RASL12: variants seen among roughly 807,000 people sequenced by gnomAD.
RASL12 encodes ras-like protein family member 12.
RASL12 carries 16 observed loss-of-function variants against 22.9 expected under a neutral mutation model. The ratio of observed to expected loss-of-function variants is 0.70; its 90% CI spans 0.47 to 1.06. The LOEUF is 1.06. RASL12 is among the 50% of genes least tolerant of loss of function. The pLI, the probability that RASL12 is intolerant of heterozygous loss-of-function variation, is 0.00. For missense variants in RASL12, 306 were observed against 353.1 expected (o/e 0.87, Z 1.07); for synonymous variants, 159 against 152.2 (o/e 1.04, Z -0.33).
At chr15:65,070,302 A>G (rs1461179237), upstream of RASL12, among the ~76,000 whole-genome samples, 1 of 152,242 alleles carries the variant, frequency 6.6e-6, no homozygotes, top group East Asian at 1.9e-4. Context: ...ATCAATAAGT[A>G]TATTAGATAA....
chr15:65,051,593 T>C, downstream of RASL12: 1 of 1,613,218 alleles, frequency 6.2e-7, no homozygotes, highest in East Asian at 2.2e-5. Flanking sequence ...GGAAGAAGCA[T>C]CCAGGCAAGC....
At position 65,054,563 on chromosome 15, in the gene RASL12, T is replaced by C. The variant is rs1483354798; in HGVS notation, c.*336A>G. The C allele has an allele frequency of 1.8e-6, 2 of 1,094,850 alleles. No individual in the cohort carries two copies. Among genetic ancestry groups the C allele is most frequent in the African/African-American group, 3.2e-5 (2 of 61,966 alleles). The allele number at this position is 1,094,850 out of a possible 1,614,324, so 67.8% of individuals were successfully genotyped here. A position where few individuals can be genotyped will look rare whatever the true frequency, so the allele number is the denominator to read the frequency against. On this transcript the variant is annotated 3_prime_UTR_variant, in exon 5 of 5. Coordinates refer to ENST00000220062, the MANE Select transcript of RASL12 (RefSeq NM_016563.4). Reference sequence around the variant, plus strand: ...CCACTAAGGCCACAGCTGGCCCAACTGTAGCTGGAGCAGGAAGGGCTGATG... The same window carrying C: ...CCACTAAGGCCACAGCTGGCCCAACCGTAGCTGGAGCAGGAAGGGCTGATG...
intron 1 of RASL12, among the ~76,000 whole-genome samples, chr15:65,074,399 AT>A (rs35069687): frequency 0.011 from 1,581 of 148,886 alleles, 10 homozygotes; most frequent in Middle Eastern, 0.017. Flanking sequence ...TTTTTAATTA[AT>A]TTTTTTTTTT....
At position 65,054,983 on chromosome 15, in the gene RASL12, C is replaced by A; in HGVS notation, c.717G>T (p.Lys239Asn). Residue 239 changes from lysine to asparagine, a missense_variant, in exon 5 of 5, where the codon AAG becomes AAT. Transcript: ENST00000220062. ...LKEMPTVAQA[K>N]LVTVKSSRAQ... ...CCCGGGATGACTTCACGGTGACCAGCTTGGCCTGGGCCACAGTGGGCATCT... is the reference window on the plus strand; with the variant it reads ...CCCGGGATGACTTCACGGTGACCAGATTGGCCTGGGCCACAGTGGGCATCT... 1 of 1,614,164 alleles carries A rather than the reference C, an allele frequency of 6.2e-7. No individual in the cohort carries two copies. The highest frequency in any genetic ancestry group is 8.5e-7 in the Non-Finnish European group (1 of 1,180,004).
chr15:65,060,653 C>T (rs1444461550), intron 2 of RASL12, among the ~76,000 whole-genome samples: 1 of 152,240 alleles, frequency 6.6e-6, no homozygotes. Context: ...ACTTGGTTAT[C>T]ACCTTTCCCT....
intron 2 of RASL12, among the ~76,000 whole-genome samples, chr15:65,063,976 T>C (rs550741189): frequency 6.6e-6 from 1 of 152,318 alleles, no homozygotes; most frequent in African/African-American, 2.4e-5. Flanking sequence ...CCATGAATGC[T>C]TTAATTGATT....
At chr15:65,075,827 G>T (rs2086964015) in intron 1 of RASL12, among the ~76,000 whole-genome samples, 1 of 151,734 alleles carries the variant, frequency 6.6e-6, no homozygotes, top group Admixed American at 6.6e-5. Context: ...TGGGGCCTTG[G>T]AAAACCTTTA....
downstream of RASL12, among the ~76,000 whole-genome samples, chr15:65,048,426 G>C (rs1207677292): frequency 9.9e-5 from 15 of 152,106 alleles, no homozygotes; most frequent in Non-Finnish European, 2.9e-5. Flanking sequence ...TTTTCTGTCT[G>C]GCTGTTTGCC....
At chr15:65,051,839 A>T (rs1453767604), downstream of RASL12, among the ~76,000 whole-genome samples, 1 of 152,216 alleles carries the variant, frequency 6.6e-6, no homozygotes, top group Non-Finnish European at 1.5e-5. Flanking sequence ...GACAGGAAGC[A>T]GGCATGACCT....
chr15:65,051,421 T>C, downstream of RASL12: 2 of 1,188,364 alleles, frequency 1.7e-6, no homozygotes, highest in Non-Finnish European at 2.5e-6. Flanking sequence ...CAGTTGATGC[T>C]GTAAGCTGGG....
downstream of RASL12, chr15:65,050,004 C>T: frequency 6.4e-7 from 1 of 1,550,450 alleles, no homozygotes; most frequent in Non-Finnish European, 8.7e-7. Flanking sequence ...GGAGCAGGGG[C>T]ATGGAGCACA....
chr15:65,067,251 T>G (rs938132819), intron 1 of RASL12, among the ~76,000 whole-genome samples: 6 of 149,618 alleles, frequency 4.0e-5, no homozygotes, highest in Admixed American at 1.3e-4. Flanking sequence ...AATCAGGGAG[T>G]AGCAAGGCTG....
Position 65,054,914 on chromosome 15 carries a change from G to T in RASL12, c.786C>A (p.Gly262=). The stretch of plus-strand genomic sequence containing the variant: ...GGAGGGGGCCTCAGAAGATCTTGAA[G>T]CCCTTCAGGAGAGTCAGGGTAGGCG... ...RKAPTLTLLK[G]FKIF is the part of the protein sequence containing the mutation. Residue 262 remains glycine, a synonymous_variant, in exon 5 of 5, where the codon GGC becomes GGA. Coordinates refer to ENST00000220062, the MANE Select transcript of RASL12 (RefSeq NM_016563.4). The T allele has an allele frequency of 6.2e-7, 1 of 1,611,344 alleles. No individual in the cohort carries two copies.
At chr15:65,050,836 C>CCTTTTT (rs2086642864), downstream of RASL12, among the ~76,000 whole-genome samples, 1 of 95,648 alleles carries the variant, frequency 1.0e-5, no homozygotes, top group Non-Finnish European at 1.9e-5. Flanking sequence ...TCTTCTTCTT[C>CCTTTTT]TTTTTTTTTT....
At chr15:65,071,349 G>A (rs771601880), upstream of RASL12, among the ~76,000 whole-genome samples, 25 of 152,174 alleles carry the variant, frequency 1.6e-4, no homozygotes, top group East Asian at 2.9e-3. Context: ...GGTCGAGCAG[G>A]GCCTGGGAAC....
At chr15:65,049,204 G>T (rs12906276), downstream of RASL12, 56,097 of 151,296 alleles carry the variant, frequency 0.37, 11,450 homozygotes, top group East Asian at 0.78. Context: ...GATTGACTGA[G>T]GTTCAGTTTA....
intron 2 of RASL12, among the ~76,000 whole-genome samples, chr15:65,061,783 C>T (rs939840119): frequency 9.2e-5 from 14 of 152,218 alleles, no homozygotes; most frequent in African/African-American, 2.2e-4. Flanking sequence ...GGCGTGGTGG[C>T]TCACACCTGT....
upstream of RASL12, among the ~76,000 whole-genome samples, chr15:65,071,482 C>T (rs566211067): frequency 3.3e-3 from 497 of 152,184 alleles, 3 homozygotes; most frequent in Non-Finnish European, 4.3e-3. Flanking sequence ...GCCTTGGGGG[C>T]GGGACCAAAG....
At position 65,054,743 on chromosome 15, in the gene RASL12, T is replaced by G. The variant is rs1566952389; in HGVS notation, c.*156A>C. The stretch of plus-strand genomic sequence containing the variant: ...CAGAAGCAGCATCCCTGCCTGCCAC[T>G]CCAGCTCACACAGTGAATTGAGTGT... On this transcript the variant is annotated 3_prime_UTR_variant, in exon 5 of 5. Coordinates refer to ENST00000220062, the MANE Select transcript of RASL12 (RefSeq NM_016563.4). 3 of 1,450,186 alleles carry G rather than the reference T, an allele frequency of 2.1e-6. No individual in the cohort carries two copies. In the East Asian group the frequency reaches 7.3e-5, roughly 35 times the overall value. 89.8% of individuals were successfully genotyped at this position (1,450,186 alleles called of 1,614,324 possible).
Sources: gnomAD v4.1 joint callset for allele counts (sites outside exome capture counted in the v4.1 genomes callset) on GRCh38, gnomAD v4.1.1 for gene constraint, MANE v1.5 for transcripts, NCBI Gene and HGNC (gene_info 2026-07-23, HGNC 2026-07-21) for gene names.